Variants in CSMD1 observed in about 807,000 individuals in gnomAD.
CSMD1 encodes the protein CUB and sushi domain-containing protein 1.
A neutral mutation model predicts 417.5 loss-of-function variants in CSMD1; 213 were observed. That is an observed-to-expected ratio of 0.51 (90% confidence interval 0.46 to 0.57). The LOEUF (loss-of-function observed/expected upper bound fraction) is 0.57. CSMD1 is among the 20% of genes least tolerant of loss of function. CSMD1 has a pLI of 0.00. For missense variants in CSMD1, 6,923 were observed against 4,529.7 expected (o/e 1.53, Z -15.17); for synonymous variants, 2,862 against 1,736.8 (o/e 1.65, Z -16.11).
chr8:3,771,823 T>C (rs1252533582), intron 5 of CSMD1, among the ~76,000 whole-genome samples: 1 of 152,120 alleles, frequency 6.6e-6, no homozygotes, highest in Admixed American at 6.5e-5. Context: ...GGCAGAATGA[T>C]CCGTTCAATA....
chr8:3,668,494 C>T lies in CSMD1; in HGVS notation c.1009+39920G>A, dbSNP rs190554667. Among the ~76,000 whole-genome samples the T allele has an allele frequency of 2.8e-4, 42 of 152,200 alleles. No individual in the cohort carries two copies. The East Asian group carries it at 3.5e-3, about 13-fold the overall frequency. ...AGTTTGGGGGATATTACAAGGAGAACGGAGAGAGTTTGTCTGACTGGGCAT... is the reference window on the plus strand; with the variant it reads ...AGTTTGGGGGATATTACAAGGAGAATGGAGAGAGTTTGTCTGACTGGGCAT... On this transcript the variant is annotated intron_variant, in intron 7 of 69. Coordinates refer to ENST00000635120, the MANE Select transcript of CSMD1 (RefSeq NM_033225.6).
At position 2,961,119 on chromosome 8, in the gene CSMD1, T is replaced by C. The variant is rs549484280; in HGVS notation, c.9702+22A>G. The C allele has an allele frequency of 4.1e-6, 6 of 1,455,474 alleles. No individual in the cohort carries two copies. In the African/African-American group the frequency reaches 7.0e-5, roughly 17 times the overall value. 90.2% of individuals were successfully genotyped at this position (1,455,474 alleles called of 1,614,324 possible). A position where few individuals can be genotyped will look rare whatever the true frequency, so the allele number is the denominator to read the frequency against. Reference sequence around the variant, plus strand: ...ATTTTATATTTCCAGAAAGAAAACATAGTAAATTCATAATGAACTACCTCA... The same window carrying C: ...ATTTTATATTTCCAGAAAGAAAACACAGTAAATTCATAATGAACTACCTCA... On this transcript the variant is annotated intron_variant, in intron 62 of 69. Coordinates refer to ENST00000635120, the MANE Select transcript of CSMD1 (RefSeq NM_033225.6).
chr8:3,387,747 C>T, intron 17 of CSMD1, 65 bp from the exon 18 acceptor site: 1 of 1,306,472 alleles, frequency 7.7e-7, no homozygotes, highest in East Asian at 2.5e-5. Flanking sequence ...AATAGAGACC[C>T]ACGCCATCAA....
intron 10 of CSMD1, among the ~76,000 whole-genome samples, chr8:3,546,181 G>C (rs1563140637): frequency 1.3e-5 from 2 of 151,908 alleles, no homozygotes; most frequent in African/African-American, 2.4e-5. Context: ...TTCATATATG[G>C]AAAAAAACAC....
chr8:4,145,432 A>T (rs577637204), intron 3 of CSMD1, among the ~76,000 whole-genome samples: 1 of 151,242 alleles, frequency 6.6e-6, no homozygotes, highest in Non-Finnish European at 1.5e-5. Flanking sequence ...AAAGTGACTT[A>T]ATCTACAGGT....
intron 3 of CSMD1, among the ~76,000 whole-genome samples, chr8:4,070,177 G>A (rs906920967): frequency 2.6e-5 from 4 of 151,824 alleles, no homozygotes; most frequent in Non-Finnish European, 5.9e-5. Context: ...AATTTTAGAG[G>A]TGCATTTACC....
chr8:4,427,813 T>C (rs563455115), intron 2 of CSMD1, among the ~76,000 whole-genome samples: 6 of 152,306 alleles, frequency 3.9e-5, no homozygotes, highest in African/African-American at 7.2e-5. Context: ...TACAAATATA[T>C]GCATGTTTAA....
intron 3 of CSMD1, among the ~76,000 whole-genome samples, chr8:4,080,051 G>C (rs972030090): frequency 5.2e-4 from 78 of 151,372 alleles, no homozygotes; most frequent in Admixed American, 2.0e-4. Flanking sequence ...GGCCCAGCTA[G>C]GAATCTACGA....
chr8:3,391,121 C>G (rs938508698), intron 17 of CSMD1, among the ~76,000 whole-genome samples: 4 of 152,202 alleles, frequency 2.6e-5, no homozygotes, highest in Admixed American at 6.5e-5. Flanking sequence ...CCATTACATC[C>G]CGACCACTCT....
chr8:4,841,319 G>C (rs1354959594), intron 1 of CSMD1, among the ~76,000 whole-genome samples: 3 of 152,176 alleles, frequency 2.0e-5, no homozygotes, highest in Admixed American at 6.5e-5. Flanking sequence ...AACAATCATA[G>C]ACTTATGCTG....
intron 3 of CSMD1, among the ~76,000 whole-genome samples, chr8:4,344,886 T>C (rs957652870): frequency 2.0e-5 from 3 of 152,148 alleles, no homozygotes; most frequent in African/African-American, 4.8e-5. Context: ...ACAACTCAAA[T>C]ACGTCATGGA....
chr8:3,300,093 T>C (rs191700525), intron 25 of CSMD1, among the ~76,000 whole-genome samples: 109 of 152,282 alleles, frequency 7.2e-4, no homozygotes, highest in African/African-American at 2.6e-3. Flanking sequence ...TTTAAATAAA[T>C]TAAGGCACAT....
intron 1 of CSMD1, among the ~76,000 whole-genome samples, chr8:4,774,994 G>A (rs553624152): frequency 1.3e-5 from 2 of 152,026 alleles, no homozygotes; most frequent in Non-Finnish European, 2.9e-5. Flanking sequence ...CCCAGCCTCA[G>A]GTATTTCTTT....
intron 2 of CSMD1, among the ~76,000 whole-genome samples, chr8:4,574,017 G>A (rs1008056943): frequency 2.0e-5 from 3 of 152,162 alleles, no homozygotes; most frequent in African/African-American, 4.8e-5. Context: ...CTGCTGTGCT[G>A]GCAGCCAGAA....
At chr8:4,446,678 G>C (rs979203223) in intron 2 of CSMD1, among the ~76,000 whole-genome samples, 6 of 151,888 alleles carry the variant, frequency 4.0e-5, no homozygotes, top group East Asian at 1.9e-4. Context: ...TCAGTCTCCT[G>C]AGTAGCTGCG....
At chr8:3,067,217 G>A (rs1812995455) in intron 49 of CSMD1, among the ~76,000 whole-genome samples, 1 of 152,126 alleles carries the variant, frequency 6.6e-6, no homozygotes, top group African/African-American at 2.4e-5. Context: ...GCGTGAGACA[G>A]GAGATACCAT....
chr8:4,927,505 G>A lies in CSMD1; in HGVS notation c.85+66827C>T, dbSNP rs142581822. Among the ~76,000 whole-genome samples, 1,236 of 152,236 alleles carry A rather than the reference G, an allele frequency of 8.1e-3. 13 individuals carry two copies. The highest frequency in any genetic ancestry group is 0.028 in the African/African-American group (1,155 of 41,540). ...TTGCTTTGTAGCTTAGCTCTGCGAT[G>A]CCAGTCCTTTTTTTCCGAGAGCAAG... On this transcript the variant is annotated intron_variant, in intron 1 of 69. Transcript: ENST00000635120.
intron 23 of CSMD1, among the ~76,000 whole-genome samples, chr8:3,339,441 C>T (rs1201134848): frequency 6.6e-6 from 1 of 152,114 alleles, no homozygotes; most frequent in Non-Finnish European, 1.5e-5. Flanking sequence ...AAAGCATTCC[C>T]TGGGTGATTT....
intron 3 of CSMD1, among the ~76,000 whole-genome samples, chr8:4,340,272 T>C (rs1438298404): frequency 1.3e-5 from 2 of 152,058 alleles, no homozygotes; most frequent in African/African-American, 4.8e-5. Flanking sequence ...TTGTCCTTTT[T>C]CCTTGAGACT....
Sources: allele counts gnomAD v4.1 joint callset (sites outside exome capture counted in the v4.1 genomes callset), GRCh38; gene constraint gnomAD v4.1.1; transcripts MANE v1.5; gene names NCBI Gene and HGNC (gene_info 2026-07-23, HGNC 2026-07-21).